FHIP1A: variants seen among roughly 807,000 people sequenced by gnomAD.
FHIP1A encodes the protein FHF complex subunit HOOK-interacting protein 1A.
A neutral mutation model predicts 88.6 loss-of-function variants in FHIP1A; 61 were observed. The observed-to-expected ratio is 0.69, with a 90% CI of 0.56 to 0.85. The LOEUF is 0.85. Ranked by LOEUF, FHIP1A falls within the 40% of genes least tolerant of loss-of-function variation. The pLI, the probability that FHIP1A is intolerant of heterozygous loss-of-function variation, is 0.00. For synonymous variants in FHIP1A, 478 were observed against 496.0 expected (o/e 0.96, Z 0.48); for missense variants, 1,154 against 1,273.5 (o/e 0.91, Z 1.43).
rs536159029 is a variant in FHIP1A at position 151,525,022 on chromosome 4, T to G, written c.-122-41116T>G. ...AATTTTGATGATTATCTTATTTTAT[T>G]TTCACTTGCAGAAAGATCATTCTAG... is the stretch of plus-strand genomic sequence containing the variant. On this transcript the variant is annotated intron_variant, in intron 3 of 13. Transcript: ENST00000435205. Among the ~76,000 whole-genome samples the G allele has an allele frequency of 3.9e-5, 6 of 152,328 alleles. No homozygotes were observed. In the East Asian group the frequency reaches 1.2e-3, roughly 29 times the overall value.
At chr4:151,659,929 T>C (rs1737390974) in intron 13 of FHIP1A, among the ~76,000 whole-genome samples, 1 of 152,248 alleles carries the variant, frequency 6.6e-6, no homozygotes, top group Non-Finnish European at 1.5e-5. Context: ...CCACTTGCCA[T>C]GCCTTTCTCT....
chr4:151,627,578 G>A (rs1736000046), intron 7 of FHIP1A, among the ~76,000 whole-genome samples: 1 of 152,226 alleles, frequency 6.6e-6, no homozygotes, highest in African/African-American at 2.4e-5. Flanking sequence ...AGTGATCAAG[G>A]TTGTTGGGGA....
intron 2 of FHIP1A, among the ~76,000 whole-genome samples, chr4:151,471,799 C>T (rs1415553350): frequency 6.6e-6 from 1 of 152,062 alleles, no homozygotes; most frequent in Non-Finnish European, 1.5e-5. Context: ...CCCCAAAGTC[C>T]GTTGTGTCAT....
At chr4:151,639,366 A>C (rs1017701341) in intron 9 of FHIP1A, among the ~76,000 whole-genome samples, 1 of 152,240 alleles carries the variant, frequency 6.6e-6, no homozygotes, top group Non-Finnish European at 1.5e-5. Context: ...GTCAAAGTGC[A>C]CAGCTATTAA....
intron 3 of FHIP1A, among the ~76,000 whole-genome samples, chr4:151,526,699 CG>C (rs1302279348): frequency 6.6e-6 from 1 of 151,612 alleles, no homozygotes; most frequent in African/African-American, 2.4e-5. Context: ...AGGTGGCTGC[CG>C]GGCGGAGACG....
chr4:151,428,821 G>C (rs950241810), intron 1 of FHIP1A, among the ~76,000 whole-genome samples: 1 of 152,020 alleles, frequency 6.6e-6, no homozygotes, highest in Middle Eastern at 3.2e-3. Context: ...ACCATACTTG[G>C]AACACCATTC....
chr4:151,573,596 CCT>C (rs1733677429), intron 4 of FHIP1A, among the ~76,000 whole-genome samples: 1 of 151,856 alleles, frequency 6.6e-6, no homozygotes, highest in Non-Finnish European at 1.5e-5. Flanking sequence ...GAGCTGAATC[CCT>C]GAGACTGTCT....
intron 9 of FHIP1A, among the ~76,000 whole-genome samples, chr4:151,643,117 A>G (rs1048539934): frequency 1.3e-5 from 2 of 152,098 alleles, no homozygotes; most frequent in African/African-American, 4.8e-5. Flanking sequence ...TACTAAATTC[A>G]TAAGTGATTT....
intron 2 of FHIP1A, among the ~76,000 whole-genome samples, chr4:151,465,717 A>G (rs1729286250): frequency 6.6e-6 from 1 of 152,236 alleles, no homozygotes; most frequent in Non-Finnish European, 1.5e-5. Context: ...AGCTGGTTCA[A>G]CAAACACAAA....
rs779441941 is a variant in FHIP1A, at chr4:151,577,759, A to G, written c.415A>G (p.Ile139Val). 2.6e-6 allele frequency: 4 copies of G among 1,551,894 alleles called. No individual in the cohort carries two copies. The highest frequency in any genetic ancestry group is 3.5e-6 in the Non-Finnish European group (4 of 1,147,034). The part of the protein sequence containing the change: ...SHQPLLHHKP[I>V]LKPLMMLLSS... ...CCAGCCTCTGCTGCACCACAAACCC[A>G]TTCTGAAGCCTCTGATGATGTTGCT... The change falls in exon 5 of 14, where the codon ATT becomes GTT. Residue 139 changes from isoleucine (I) to valine (V), a missense_variant. By Grantham distance (29) the Ile-to-Val change is conservative. Transcript: ENST00000435205.
At chr4:151,462,801 A>G (rs1372369562) in intron 2 of FHIP1A, among the ~76,000 whole-genome samples, 1 of 152,186 alleles carries the variant, frequency 6.6e-6, no homozygotes, top group Non-Finnish European at 1.5e-5. Flanking sequence ...TGGCCCATAA[A>G]ATGCAAGCTG....
intron 7 of FHIP1A, among the ~76,000 whole-genome samples, chr4:151,597,515 C>T (rs1327094030): frequency 6.6e-6 from 1 of 152,192 alleles, no homozygotes; most frequent in Non-Finnish European, 1.5e-5. Flanking sequence ...GTCAGGGACC[C>T]ACTTGAGGAG....
chr4:151,415,127 A>G (rs893569848), intron 1 of FHIP1A, among the ~76,000 whole-genome samples: 11 of 147,722 alleles, frequency 7.4e-5, no homozygotes, highest in African/African-American at 2.7e-4. Context: ...CATCATTCTC[A>G]TTTTGTTTTT....
chr4:151,536,366 AC>A (rs1436737094), intron 3 of FHIP1A, among the ~76,000 whole-genome samples: 1 of 152,144 alleles, frequency 6.6e-6, no homozygotes, highest in African/African-American at 2.4e-5. Context: ...TTGTATATCT[AC>A]CACCAAAGTC....
chr4:151,582,908 T>G (rs1489010269), intron 5 of FHIP1A, among the ~76,000 whole-genome samples: 1 of 152,232 alleles, frequency 6.6e-6, no homozygotes, highest in African/African-American at 2.4e-5. Flanking sequence ...GTAAATAGAA[T>G]GTGCTATTCA....
chr4:151,659,208 A>G (rs1212849307), intron 13 of FHIP1A, among the ~76,000 whole-genome samples: 3 of 152,164 alleles, frequency 2.0e-5, no homozygotes, highest in Non-Finnish European at 2.9e-5. Flanking sequence ...TCTGGATATA[A>G]CATTTTTCTT....
intron 1 of FHIP1A, among the ~76,000 whole-genome samples, chr4:151,412,298 G>A (rs2126501347): frequency 6.6e-6 from 1 of 152,192 alleles, no homozygotes; most frequent in East Asian, 1.9e-4. Flanking sequence ...TAGAGATGGG[G>A]TTTCGCCATG....
intron 1 of FHIP1A, among the ~76,000 whole-genome samples, chr4:151,419,146 T>C (rs1184000883): frequency 6.6e-6 from 1 of 152,202 alleles, no homozygotes; most frequent in Non-Finnish European, 1.5e-5. Flanking sequence ...ACATTAGAAT[T>C]GGTAAACTCA....
intron 9 of FHIP1A, among the ~76,000 whole-genome samples, chr4:151,641,566 AG>A (rs1398178494): frequency 1.3e-5 from 2 of 152,182 alleles, no homozygotes; most frequent in Non-Finnish European, 2.9e-5. Context: ...AGCTATCATT[AG>A]TGCTAGTGTA....
Sources: gnomAD v4.1 joint callset for allele counts (sites outside exome capture counted in the v4.1 genomes callset) on GRCh38, gnomAD v4.1.1 for gene constraint, MANE v1.5 for transcripts, NCBI Gene and HGNC (gene_info 2026-07-23, HGNC 2026-07-21) for gene names.